PTN: variants seen among roughly 807,000 people sequenced by gnomAD.
PTN encodes pleiotrophin.
In PTN, 18 loss-of-function variants were observed where a neutral mutation model predicts 24.1. That is an observed-to-expected ratio of 0.75 (90% confidence interval 0.52 to 1.11). The LOEUF is 1.11. PTN is among the 50% of genes least tolerant of loss of function. PTN has a pLI of 0.00. For missense variants in PTN, 163 were observed against 198.8 expected (o/e 0.82, Z 1.08); for synonymous variants, 78 against 68.6 (o/e 1.14, Z -0.67).
At chr7:137,278,049 T>A (rs1809394785) in intron 1 of PTN, among the ~76,000 whole-genome samples, 1 of 152,082 alleles carries the variant, frequency 6.6e-6, no homozygotes, top group Non-Finnish European at 1.5e-5. Context: ...GGCTCACGCC[T>A]GTAATCCCAG....
At chr7:137,293,332 C>T (rs956282909) in intron 1 of PTN, among the ~76,000 whole-genome samples, 24 of 152,072 alleles carry the variant, frequency 1.6e-4, no homozygotes, top group African/African-American at 5.3e-4. Context: ...AGCTAGTGTG[C>T]GCGCATAAGG....
rs907404352 is a variant in PTN at position 137,292,901 on chromosome 7, GA to G, written c.-1-37928del. ...TGTTGGTGAGGTCGTTTTCCAAAAG[GA>G]AAAAAAAGTAATCAAAATGTGAAAT... On this transcript the variant is annotated intron_variant, in intron 1 of 4. Coordinates refer to ENST00000348225, the MANE Select transcript of PTN (RefSeq NM_002825.7). Among the ~76,000 whole-genome samples, 8 of 151,184 alleles carry G rather than the reference GA, an allele frequency of 5.3e-5. No homozygotes were observed. In the East Asian group the frequency reaches 5.8e-4, roughly 11 times the overall value.
chr7:137,340,073 T>C (rs1274030433), intron 1 of PTN, among the ~76,000 whole-genome samples: 2 of 152,190 alleles, frequency 1.3e-5, no homozygotes, highest in African/African-American at 2.4e-5. Flanking sequence ...CTGTTTGAGA[T>C]ATCACTTTAT....
chr7:137,278,648 A>G (rs1392874281), intron 1 of PTN, among the ~76,000 whole-genome samples: 5 of 152,078 alleles, frequency 3.3e-5, no homozygotes, highest in African/African-American at 1.2e-4. Context: ...TCAAAATACA[A>G]GGATTAACTT....
rs112731165 is a variant in PTN, at chr7:137,258,954, T to A, written c.-1-3980A>T. Among the ~76,000 whole-genome samples the A allele has an allele frequency of 2.5e-3, 381 of 152,236 alleles. 2 individuals are homozygous for A. The highest frequency in any genetic ancestry group is 8.7e-3 in the African/African-American group (362 of 41,558). On this transcript the variant is annotated intron_variant, in intron 1 of 4. Transcript: ENST00000348225. ...GTGCGAGAATAAAGCCTTACTAAAT[T>A]GACTCCATTCTTTTGAATAATTTAC...
At chr7:137,330,467 C>A (rs1810333610) in intron 1 of PTN, among the ~76,000 whole-genome samples, 1 of 152,170 alleles carries the variant, frequency 6.6e-6, no homozygotes, top group Non-Finnish European at 1.5e-5. Flanking sequence ...GCCCCCAAAT[C>A]TAGAAGGCAC....
chr7:137,231,234 A>G (rs890783174), intron 4 of PTN, among the ~76,000 whole-genome samples: 21 of 151,934 alleles, frequency 1.4e-4, no homozygotes, highest in Non-Finnish European at 2.9e-5. Flanking sequence ...AAATGGATCC[A>G]TAACATGGTG....
intron 1 of PTN, among the ~76,000 whole-genome samples, chr7:137,330,866 C>T (rs969587220): frequency 6.6e-6 from 1 of 152,142 alleles, no homozygotes; most frequent in African/African-American, 2.4e-5. Flanking sequence ...AAGGCAAATC[C>T]ACCCTAGAGG....
chr7:137,305,661 T>C (rs1297093166), intron 1 of PTN, among the ~76,000 whole-genome samples: 3 of 152,058 alleles, frequency 2.0e-5, no homozygotes, highest in African/African-American at 7.2e-5. Flanking sequence ...GACTGTCAGA[T>C]TTCAAGAATA....
intron 1 of PTN, among the ~76,000 whole-genome samples, chr7:137,317,169 G>T (rs1405985813): frequency 2.6e-5 from 4 of 152,194 alleles, no homozygotes; most frequent in Admixed American, 2.0e-4. Context: ...ATCGGCCTGG[G>T]TGAGTCAGGG....
intron 1 of PTN, among the ~76,000 whole-genome samples, chr7:137,333,954 T>C (rs561680111): frequency 6.6e-6 from 1 of 152,272 alleles, no homozygotes; most frequent in African/African-American, 2.4e-5. Context: ...GGATTCCCTA[T>C]TTAATAAATG....
At chr7:137,318,504 C>T (rs1019146002) in intron 1 of PTN, 32 of 152,036 alleles carry the variant, frequency 2.1e-4, no homozygotes, top group African/African-American at 7.2e-4. Context: ...TTGTGCTCAT[C>T]GTATATAATT....
At chr7:137,316,157 T>C (rs1162081584) in intron 1 of PTN, among the ~76,000 whole-genome samples, 1 of 152,214 alleles carries the variant, frequency 6.6e-6, no homozygotes, top group Non-Finnish European at 1.5e-5. Flanking sequence ...AGGCCGTTGT[T>C]GCTCTCAAGG....
intron 1 of PTN, among the ~76,000 whole-genome samples, chr7:137,310,710 C>T (rs73452984): frequency 0.12 from 18,548 of 152,110 alleles, 3,633 homozygotes; most frequent in African/African-American, 0.41. Flanking sequence ...GGCCATCTAA[C>T]AGAAGTCTGT....
intron 1 of PTN, among the ~76,000 whole-genome samples, chr7:137,323,723 G>C (rs1358145986): frequency 6.6e-6 from 1 of 152,122 alleles, no homozygotes; most frequent in Non-Finnish European, 1.5e-5. Context: ...TATCTCAATG[G>C]TCTCAAACTC....
At chr7:137,264,483 G>A (rs772824808) in intron 1 of PTN, among the ~76,000 whole-genome samples, 5 of 152,134 alleles carry the variant, frequency 3.3e-5, no homozygotes, top group Non-Finnish European at 7.3e-5. Context: ...CTGGAGCAGC[G>A]CTTGTCGTCT....
chr7:137,289,894 C>A (rs796963686), intron 1 of PTN, among the ~76,000 whole-genome samples: 3 of 152,104 alleles, frequency 2.0e-5, no homozygotes, highest in Admixed American at 1.3e-4. Context: ...CATAACTGTG[C>A]GTTAATCATA....
chr7:137,343,120 G>A (rs1810561600), intron 1 of PTN, among the ~76,000 whole-genome samples: 1 of 152,160 alleles, frequency 6.6e-6, no homozygotes, highest in African/African-American at 2.4e-5. Flanking sequence ...AAAAAGCAAA[G>A]ATGCACTCTC....
At chr7:137,286,743 G>A (rs1809561938) in intron 1 of PTN, among the ~76,000 whole-genome samples, 1 of 152,132 alleles carries the variant, frequency 6.6e-6, no homozygotes, top group African/African-American at 2.4e-5. Context: ...TGGAAGAATA[G>A]TTTCAGAATG....
Sources: gnomAD v4.1 joint callset for allele counts (sites outside exome capture counted in the v4.1 genomes callset) on GRCh38, gnomAD v4.1.1 for gene constraint, MANE v1.5 for transcripts, NCBI Gene and HGNC (gene_info 2026-07-23, HGNC 2026-07-21) for gene names.